RBFOX1: variants seen among roughly 807,000 people sequenced by gnomAD.
The protein encoded by RBFOX1 is RNA binding protein fox-1 homolog 1.
Under a neutral mutation model 57.7 loss-of-function variants are expected in RBFOX1, and 8 were observed. The ratio of observed to expected loss-of-function variants is 0.14; its 90% CI spans 0.08 to 0.25. The LOEUF is 0.25. Among genes scored for constraint, RBFOX1 ranks in the 10% least tolerant of loss-of-function variants. The pLI is 1.00. For synonymous variants in RBFOX1, 326 were observed against 222.4 expected, an observed-to-expected ratio of 1.47 and a Z score of -4.15; for missense variants, 611 against 548.5, an observed-to-expected ratio of 1.11 and a Z score of -1.14.
At chr16:6,574,591 G>A (rs1300383223) in intron 2 of RBFOX1, among the ~76,000 whole-genome samples, 3 of 150,174 alleles carry the variant, frequency 2.0e-5, no homozygotes, top group Non-Finnish European at 1.5e-5. Context: ...ACCAAGCCCA[G>A]CTAATTTTTT....
intron 3 of RBFOX1, among the ~76,000 whole-genome samples, chr16:6,809,842 A>C (rs1043707548): frequency 2.0e-5 from 3 of 152,140 alleles, no homozygotes; most frequent in Non-Finnish European, 4.4e-5. Context: ...CTGTCGTACC[A>C]AGTGTAATTC....
chr16:7,652,342 T>C (rs571039237), intron 11 of RBFOX1, among the ~76,000 whole-genome samples: 16 of 152,220 alleles, frequency 1.1e-4, no homozygotes, highest in African/African-American at 3.6e-4. Flanking sequence ...TAATTCCCCT[T>C]CCTAACTCCT....
intron 2 of RBFOX1, among the ~76,000 whole-genome samples, chr16:5,496,026 TG>T (rs2042990335): frequency 6.6e-6 from 1 of 152,102 alleles, no homozygotes; most frequent in Non-Finnish European, 1.5e-5. Context: ...CTCGGGAGGC[TG>T]AGGTAGAAGA....
intron 3 of RBFOX1, among the ~76,000 whole-genome samples, chr16:5,806,797 G>A (rs548484931): frequency 6.3e-4 from 96 of 152,308 alleles, no homozygotes; most frequent in African/African-American, 2.2e-3. Flanking sequence ...GATCACTGAT[G>A]CTGTCAGCCC....
intron 4 of RBFOX1, among the ~76,000 whole-genome samples, chr16:6,013,809 A>T (rs1303055567): frequency 6.6e-6 from 1 of 152,128 alleles, no homozygotes; most frequent in African/African-American, 2.4e-5. Context: ...TATTGTGAAT[A>T]GTGCCGCATG....
chr16:6,558,823 G>T (rs891119138), intron 2 of RBFOX1, among the ~76,000 whole-genome samples: 3 of 109,224 alleles, frequency 2.7e-5, no homozygotes, highest in African/African-American at 3.6e-5. Flanking sequence ...TTGCCTTACC[G>T]CCATGCTGAC....
intron 2 of RBFOX1, chr16:6,483,500 A>G (rs528596957): frequency 1.7e-5 from 26 of 1,535,470 alleles, no homozygotes; most frequent in South Asian, 9.5e-5. Context: ...GCAGCCGACA[A>G]TGAAATCTTG....
intron 4 of RBFOX1, among the ~76,000 whole-genome samples, chr16:7,188,324 T>G (rs1371360558): frequency 1.3e-5 from 2 of 152,242 alleles, no homozygotes; most frequent in Non-Finnish European, 2.9e-5. Flanking sequence ...TTCCTATATT[T>G]CCTTTGGCTA....
At chr16:6,045,442 A>T (rs370694479) in intron 1 of RBFOX1, among the ~76,000 whole-genome samples, 1 of 152,188 alleles carries the variant, frequency 6.6e-6, no homozygotes, top group Admixed American at 6.5e-5. Context: ...TTGAGTAGCA[A>T]AACACAGCCA....
chr16:6,534,411 T>C (rs920573016), intron 2 of RBFOX1, among the ~76,000 whole-genome samples: 2 of 152,146 alleles, frequency 1.3e-5, no homozygotes, highest in Non-Finnish European at 2.9e-5. Context: ...AGGATAGTGA[T>C]TGTCTTTCAC....
rs538650090 is a variant in RBFOX1, at chr16:7,388,139, C to T, written c.28-130008C>T. 1.3e-4 allele frequency among the ~76,000 whole-genome samples: 19 copies of T among 151,820 alleles called. No individual in the cohort carries two copies. The South Asian group carries it at 2.7e-3, about 22-fold the overall frequency. ...TCAGTGTTTATTGTGTTTGCATAATCGAAAATAGCAGGAAACTGATCTCAG... is the reference window on the plus strand; with the variant it reads ...TCAGTGTTTATTGTGTTTGCATAATTGAAAATAGCAGGAAACTGATCTCAG... On this transcript the variant is annotated intron_variant, in intron 4 of 15. Coordinates refer to ENST00000550418, the MANE Select transcript of RBFOX1 (RefSeq NM_018723.4).
At chr16:6,011,973 A>G (rs1373378984) in intron 4 of RBFOX1, among the ~76,000 whole-genome samples, 2 of 152,166 alleles carry the variant, frequency 1.3e-5, no homozygotes, top group African/African-American at 4.8e-5. Flanking sequence ...ACCATCTTGC[A>G]TTTCTTCACG....
chr16:7,643,858 C>T (rs1238083797), intron 11 of RBFOX1, among the ~76,000 whole-genome samples: 2 of 152,188 alleles, frequency 1.3e-5, no homozygotes, highest in African/African-American at 2.4e-5. Context: ...GAAGAAATGG[C>T]GGGCACACAC....
chr16:5,384,799 C>G (rs1311097979), intron 1 of RBFOX1, among the ~76,000 whole-genome samples: 1 of 152,106 alleles, frequency 6.6e-6, no homozygotes, highest in Admixed American at 6.5e-5. Context: ...TGACTTTTGG[C>G]AGGATGCTTC....
chr16:7,517,858 G>C (rs1220545823), intron 4 of RBFOX1, among the ~76,000 whole-genome samples: 1 of 151,234 alleles, frequency 6.6e-6, no homozygotes, highest in Non-Finnish European at 1.5e-5. Flanking sequence ...TAAAGCCACA[G>C]ACCCTCATGT....
intron 1 of RBFOX1, among the ~76,000 whole-genome samples, chr16:5,386,546 C>T (rs1039814389): frequency 5.9e-5 from 9 of 152,272 alleles, no homozygotes; most frequent in Non-Finnish European, 8.8e-5. Context: ...TGCATTCAGA[C>T]GTTAACTCAC....
At chr16:5,912,149 C>G (rs138309371) in intron 4 of RBFOX1, among the ~76,000 whole-genome samples, 20 of 152,160 alleles carry the variant, frequency 1.3e-4, no homozygotes, top group African/African-American at 4.8e-4. Context: ...CTGCCATTTG[C>G]TAACGTTTGT....
intron 6 of RBFOX1, among the ~76,000 whole-genome samples, chr16:7,581,554 C>T (rs142508555): frequency 1.3e-5 from 2 of 152,216 alleles, no homozygotes; most frequent in South Asian, 2.1e-4. Context: ...TTACTGCAGG[C>T]TACAATGCTA....
intron 4 of RBFOX1, among the ~76,000 whole-genome samples, chr16:7,261,783 C>T (rs541579333): frequency 2.0e-5 from 3 of 152,334 alleles, no homozygotes; most frequent in African/African-American, 7.2e-5. Flanking sequence ...GAGAGCCTGA[C>T]ACTAAGAATC....
Sources: gnomAD v4.1 joint callset for allele counts (sites outside exome capture counted in the v4.1 genomes callset) on GRCh38, gnomAD v4.1.1 for gene constraint, MANE v1.5 for transcripts, NCBI Gene and HGNC (gene_info 2026-07-23, HGNC 2026-07-21) for gene names.